Variants in LRP2 observed in about 807,000 individuals in gnomAD.
The protein encoded by LRP2 is LDL receptor related protein 2, also known as low-density lipoprotein receptor-related protein 2.
A neutral mutation model predicts 531.0 loss-of-function variants in LRP2; 172 were observed. The ratio of observed to expected loss-of-function variants is 0.32; its 90% CI spans 0.29 to 0.37. The LOEUF (loss-of-function observed/expected upper bound fraction) is 0.37, where lower values mean the gene tolerates loss of function less well. LRP2 is among the 10% of genes least tolerant of loss of function. The pLI, the probability that LRP2 is intolerant of heterozygous loss-of-function variation, is 1.00. For missense variants in LRP2, 5,167 were observed against 5,868.3 expected, an observed-to-expected ratio of 0.88 and a Z score of 3.90; for synonymous variants, 1,992 against 2,027.6, an observed-to-expected ratio of 0.98 and a Z score of 0.47.
At chr2:169,156,534 T>C (rs897379051) in intron 64 of LRP2, 129 bp from the exon 65 acceptor site, 1 of 1,012,224 alleles carries the variant, frequency 9.9e-7, no homozygotes, top group Non-Finnish European at 1.5e-6. Context: ...TAAGCAATGA[T>C]ACAAACATTT....
rs755679040 is a variant in LRP2, at chr2:169,139,349, T to G, written c.13290A>C (p.Thr4430=). Residue 4430 remains threonine, a synonymous_variant, in exon 74 of 79, where the codon ACA becomes ACC. Transcript: ENST00000649046. ...CTCCAATTACGACGATCAAGAGGAT[T>G]GTCAACAGCACAGCTACTGCGGCTA... ...PGTTAVAVLL[T]ILLIVVIGAL... 1 of 1,614,120 alleles carries G rather than the reference T, an allele frequency of 6.2e-7. No individual in the cohort carries two copies. Among genetic ancestry groups the G allele is most frequent in the Non-Finnish European group, 8.5e-7 (1 of 1,180,004 alleles).
intron 31 of LRP2, among the ~76,000 whole-genome samples, chr2:169,229,173 G>C (rs1053125307): frequency 6.6e-6 from 1 of 152,182 alleles, no homozygotes; most frequent in Non-Finnish European, 1.5e-5. Flanking sequence ...AATCATCTAG[G>C]GTTGGATGGA....
At position 169,275,217 on chromosome 2, in the gene LRP2, G is replaced by A; in HGVS notation, c.1794C>T (p.Gly598=). 6.2e-7 allele frequency: 1 copy of A among 1,613,174 alleles called. No homozygotes were observed. Among genetic ancestry groups the A allele is most frequent in the South Asian group, 1.1e-5 (1 of 91,064 alleles). The change falls in exon 14 of 79, where the codon GGC becomes GGT. Residue 598 remains glycine, a synonymous_variant. Coordinates refer to ENST00000649046, the MANE Select transcript of LRP2 (RefSeq NM_004525.3). The part of the protein sequence containing the change: ...GIQRKTVVHG[G]SLIPHPFGVS... ...CTCCAAAGGGATGAGGAATGAGGGA[G>A]CCTCCATGAACTACAGTCTTCCTGT...
At chr2:169,321,190 T>C (rs1446683030) in intron 1 of LRP2, among the ~76,000 whole-genome samples, 1 of 152,192 alleles carries the variant, frequency 6.6e-6, no homozygotes, top group Non-Finnish European at 1.5e-5. Context: ...GTACTTTTAC[T>C]TCAAGGATTT....
chr2:169,282,828 A>C (rs1683742315), intron 10 of LRP2, 45 bp downstream of exon 10: 1 of 1,592,984 alleles, frequency 6.3e-7, no homozygotes, highest in Non-Finnish European at 8.6e-7. Context: ...AAGCTATTAG[A>C]ATCTGTTCAC....
intron 15 of LRP2, 61 bp from the exon 16 acceptor site, chr2:169,271,168 T>C: frequency 8.7e-7 from 1 of 1,151,276 alleles, no homozygotes; most frequent in African/African-American, 1.5e-5. Context: ...TCCTCCCAAA[T>C]TCCAGATAAA....
intron 71 of LRP2, 52 bp downstream of exon 71, chr2:169,142,622 G>A: frequency 6.2e-7 from 1 of 1,609,648 alleles, no homozygotes; most frequent in South Asian, 1.1e-5. Flanking sequence ...ACTCCTGAAG[G>A]CAGCAGAGGA....
chr2:169,174,969 C>A (rs1229794770), intron 55 of LRP2, among the ~76,000 whole-genome samples: 3 of 144,270 alleles, frequency 2.1e-5, no homozygotes, highest in Non-Finnish European at 4.5e-5. Flanking sequence ...CCAGTAGAGA[C>A]AACTTATTGT....
At chr2:169,283,079 A>C in intron 9 of LRP2, 78 bp from the exon 10 acceptor site, 1 of 1,471,362 alleles carries the variant, frequency 6.8e-7, no homozygotes, top group Non-Finnish European at 9.5e-7. Context: ...ATCCTAGATA[A>C]GATGGCCAAG....
intron 1 of LRP2, among the ~76,000 whole-genome samples, chr2:169,361,263 G>C (rs1044271801): frequency 1.3e-5 from 2 of 151,482 alleles, no homozygotes; most frequent in African/African-American, 2.4e-5. Flanking sequence ...AGAGCTCGCC[G>C]GTTCCAGCCT....
At chr2:169,284,776 T>C (rs1358775562) in intron 9 of LRP2, among the ~76,000 whole-genome samples, 1 of 152,066 alleles carries the variant, frequency 6.6e-6, no homozygotes, top group African/African-American at 2.4e-5. Context: ...CTGAGAAAGC[T>C]CCACCTAAGG....
In LRP2 at chr2:169,279,592, A is replaced by G. The variant is rs757764363; in HGVS notation, c.1345T>C (p.Phe449Leu). The G allele has an allele frequency of 6.2e-7, 1 of 1,609,270 alleles. No homozygotes were observed. The highest frequency in any genetic ancestry group is 1.3e-5 in the African/African-American group (1 of 74,944). Residue 449 changes from phenylalanine to leucine, a missense_variant, in exon 12 of 79, where the codon TTT becomes CTT. Coordinates refer to ENST00000649046, the MANE Select transcript of LRP2 (RefSeq NM_004525.3). The part of the protein sequence containing the change: ...FWTDTVQNKV[F>L]SVDINGLNIQ... ...TTTAAACCATTAATGTCAACTGAAA[A>G]AACCTGAAAGAAAAACCAAAATTAT...
intron 55 of LRP2, among the ~76,000 whole-genome samples, chr2:169,174,428 G>T (rs1249166956): frequency 6.6e-6 from 1 of 152,140 alleles, no homozygotes; most frequent in Admixed American, 6.5e-5. Flanking sequence ...ACCTTCCTCT[G>T]TCCCTATTCT....
At chr2:169,235,743 G>T in intron 29 of LRP2, 97 bp downstream of exon 29, 1 of 924,990 alleles carries the variant, frequency 1.1e-6, no homozygotes, top group Non-Finnish European at 1.7e-6. Flanking sequence ...CAATGTCTAT[G>T]ACACAAAAAT....
At position 169,244,751 on chromosome 2, in the gene LRP2, C is replaced by T. The variant is rs865909061; in HGVS notation, c.3372G>A (p.Lys1124=). 6.2e-7 allele frequency: 1 copy of T among 1,614,180 alleles called. No homozygotes were observed. Among genetic ancestry groups the T allele is most frequent in the Middle Eastern group, 1.6e-4 (1 of 6,062 alleles). The change falls in exon 22 of 79, where the codon AAG becomes AAA. Residue 1124 remains lysine (K), a synonymous_variant. Coordinates refer to ENST00000649046, the MANE Select transcript of LRP2 (RefSeq NM_004525.3). ...YTCDNHQCIS[K]NWVCDTDNDC... ...CATTGTCTGTGTCACAGACCCAGTT[C>T]TTTGAGATACACTGGTGATTATCAC...
At chr2:169,275,605 T>C (rs1683531607) in intron 13 of LRP2, among the ~76,000 whole-genome samples, 1 of 152,160 alleles carries the variant, frequency 6.6e-6, no homozygotes, top group Admixed American at 6.6e-5. Flanking sequence ...TGAAAGAGTA[T>C]ACCAAGACTT....
Position 169,206,372 on chromosome 2 carries a change from T to C in LRP2, c.7348A>G (p.Thr2450Ala). The C allele has an allele frequency of 1.9e-6, 3 of 1,614,100 alleles. No homozygotes were observed. The highest frequency in any genetic ancestry group is 2.5e-6 in the Non-Finnish European group (3 of 1,180,016). Residue 2450 changes from threonine (T) to alanine (A), a missense_variant, in exon 39 of 79, where the codon ACC (threonine) becomes GCC (alanine). Transcript: ENST00000649046. The stretch of plus-strand genomic sequence containing the variant: ...GGAGTATGGATCCCTGAAGACAGGG[T>C]GGCATAGGAAATCTGTCCAACTCCA... Reference protein sequence around the residue: ...ASGVGQISYATLSSGIHTPTV... With the variant: ...ASGVGQISYAALSSGIHTPTV...
chr2:169,210,845 ATT>A (rs1688566797), intron 37 of LRP2, among the ~76,000 whole-genome samples: 1 of 152,218 alleles, frequency 6.6e-6, no homozygotes, highest in African/African-American at 2.4e-5. Flanking sequence ...ATTAAAATTT[ATT>A]TTTAAAAGGT....
At chr2:169,350,663 G>T (rs926276670) in intron 1 of LRP2, among the ~76,000 whole-genome samples, 3 of 141,054 alleles carry the variant, frequency 2.1e-5, no homozygotes, top group Non-Finnish European at 4.5e-5. Context: ...GGCAGAGGTT[G>T]CAGTGAGCCA....
Sources: gnomAD v4.1 joint callset for allele counts (sites outside exome capture counted in the v4.1 genomes callset) on GRCh38, gnomAD v4.1.1 for gene constraint, MANE v1.5 for transcripts, NCBI Gene and HGNC (gene_info 2026-07-23, HGNC 2026-07-21) for gene names.